The following MEIOB variants were observed in gnomAD, a reference collection of about 807,000 sequenced individuals.
MEIOB encodes meiosis-specific with OB domain-containing protein.
Under a neutral mutation model 53.1 loss-of-function variants are expected in MEIOB, and 50 were observed. The observed-to-expected ratio is 0.94, with a 90% CI of 0.75 to 1.19. MEIOB has a LOEUF of 1.19. MEIOB is among the 50% of genes most tolerant of loss of function. The pLI is 0.00. For synonymous variants in MEIOB, 192 were observed against 182.5 expected (o/e 1.05, Z -0.42); for missense variants, 551 against 550.8 (o/e 1.00, Z 0.00).
intron 9 of MEIOB, among the ~76,000 whole-genome samples, chr16:1,850,079 C>T (rs529333029): frequency 1.1e-3 from 172 of 152,268 alleles, no homozygotes; most frequent in African/African-American, 3.9e-3. Flanking sequence ...AATACTTTGA[C>T]ATTTTTTTCT....
intron 10 of MEIOB, among the ~76,000 whole-genome samples, chr16:1,842,623 C>CAAAAAAAAA (rs202147878): frequency 7.2e-5 from 7 of 97,768 alleles, no homozygotes; most frequent in East Asian, 4.0e-4. Flanking sequence ...AACTCCATCT[C>CAAAAAAAAA]AAAAAGACAG....
intron 5 of MEIOB, 37 bp downstream of exon 5, chr16:1,860,366 C>A (rs1899411780): frequency 1.8e-6 from 2 of 1,121,208 alleles, no homozygotes; most frequent in Admixed American, 2.1e-5. Context: ...TAGTAATGAT[C>A]ATTCTCGCAC....
rs1468645755 is a variant in MEIOB, at chr16:1,834,261, C to T, written c.1411G>A (p.Val471Ile). The T allele has an allele frequency of 1.9e-6, 3 of 1,579,952 alleles. No homozygotes were observed. Among genetic ancestry groups the T allele is most frequent in the Non-Finnish European group, 1.7e-6 (2 of 1,150,634 alleles). The change falls in exon 14 of 14, where the codon GTT (valine) becomes ATT (isoleucine). Residue 471 changes from valine (V) to isoleucine (I), a missense_variant. Coordinates refer to ENST00000325962, the MANE Select transcript of MEIOB (RefSeq NM_001163560.3). ...GTTCAAAATGATAGACCGTTTTAAA[C>T]ATGTTTTTGTCCAGACAAGTTTCTG... The part of the protein sequence containing the change: ...ASRNLSGQKH[V>I]
At chr16:1,846,882 C>G (rs1480249496) in intron 9 of MEIOB, among the ~76,000 whole-genome samples, 1 of 152,122 alleles carries the variant, frequency 6.6e-6, no homozygotes, top group African/African-American at 2.4e-5. Context: ...ATGGGCTGGG[C>G]GTGGTGGTTC....
intron 6 of MEIOB, among the ~76,000 whole-genome samples, chr16:1,854,518 G>A (rs966574018): frequency 6.6e-6 from 1 of 152,182 alleles, no homozygotes; most frequent in Non-Finnish European, 1.5e-5. Context: ...GACTCCTCGA[G>A]GGCAGGGACT....
At chr16:1,862,381 G>C (rs2150822460) in intron 3 of MEIOB, among the ~76,000 whole-genome samples, 1 of 152,240 alleles carries the variant, frequency 6.6e-6, no homozygotes, top group East Asian at 1.9e-4. Context: ...CTGGTGATCT[G>C]TGTATTTGGA....
chr16:1,868,596 C>T (rs919048646), intron 1 of MEIOB, among the ~76,000 whole-genome samples: 6 of 151,156 alleles, frequency 4.0e-5, no homozygotes, highest in African/African-American at 7.3e-5. Flanking sequence ...TGGCTCATGC[C>T]TATTATCCCA....
rs779513355 is a variant in MEIOB at position 1,839,399 on chromosome 16, CAT to C, written c.1072_1073del (p.Met358ValfsTer12). 2.5e-5 allele frequency: 41 copies of C among 1,613,680 alleles called. No homozygotes were observed. Among genetic ancestry groups the C allele is most frequent in the East Asian group, 6.7e-5 (3 of 44,862 alleles). ...AGGAGTTTTTGTTGCAAGTTGTGCA[CAT>C]GTTAGATGCTTCATTTACAATATAA... The part of the protein sequence containing the change: ...CGYIVNEASN[M>X]CTTCNKNSLD... On this transcript the variant is annotated frameshift_variant, in exon 12 of 14. Coordinates refer to ENST00000325962, the MANE Select transcript of MEIOB (RefSeq NM_001163560.3). LOFTEE classifies it high-confidence loss of function.
chr16:1,862,929 T>TAAAATA (rs1205510963), intron 3 of MEIOB, among the ~76,000 whole-genome samples: 1 of 150,824 alleles, frequency 6.6e-6, no homozygotes, highest in African/African-American at 2.4e-5. Flanking sequence ...TAAATAATAA[T>TAAAATA]AAAATAAAAA....
intron 1 of MEIOB, among the ~76,000 whole-genome samples, chr16:1,871,288 C>CA (rs1899737077): frequency 6.8e-6 from 1 of 146,130 alleles, no homozygotes; most frequent in Non-Finnish European, 1.5e-5. Flanking sequence ...GGCGCAATCT[C>CA]GGCTCACTAC....
chr16:1,837,378 G>T (rs1898777942), intron 13 of MEIOB, among the ~76,000 whole-genome samples: 1 of 152,056 alleles, frequency 6.6e-6, no homozygotes, highest in Non-Finnish European at 1.5e-5. Context: ...ACCTTTTGGG[G>T]TTCAGGGGCC....
At chr16:1,855,931 C>CTTTTTTTTTTTTTT (rs34688365) in intron 6 of MEIOB, among the ~76,000 whole-genome samples, 3 of 131,274 alleles carry the variant, frequency 2.3e-5, no homozygotes, top group African/African-American at 8.3e-5. Flanking sequence ...GTGTTTTTTC[C>CTTTTTTTTTTTTTT]TTTTTTTTTT....
chr16:1,846,268 G>A (rs1477915783), intron 9 of MEIOB, among the ~76,000 whole-genome samples: 1 of 152,216 alleles, frequency 6.6e-6, no homozygotes. Flanking sequence ...TCCAGCCAAT[G>A]AGCTTCCTGT....
chr16:1,835,204 G>A (rs1391411904), intron 13 of MEIOB, among the ~76,000 whole-genome samples: 1 of 151,918 alleles, frequency 6.6e-6, no homozygotes, highest in Non-Finnish European at 1.5e-5. Flanking sequence ...GCAGTAAGCT[G>A]TGATCGCACC....
intron 1 of MEIOB, among the ~76,000 whole-genome samples, chr16:1,869,126 CT>C: frequency 6.6e-6 from 1 of 151,910 alleles, no homozygotes; most frequent in South Asian, 2.1e-4. Flanking sequence ...TTTGTTTTAA[CT>C]TTTTTTCTTT....
chr16:1,845,854 C>T (rs537895099), intron 9 of MEIOB, among the ~76,000 whole-genome samples: 31 of 152,190 alleles, frequency 2.0e-4, no homozygotes, highest in African/African-American at 7.0e-4. Context: ...CCCCAGCCTC[C>T]GGCATATGAT....
chr16:1,844,059 T>A (rs190919933), intron 10 of MEIOB, among the ~76,000 whole-genome samples: 33 of 152,212 alleles, frequency 2.2e-4, no homozygotes, highest in Middle Eastern at 6.8e-3. Context: ...CACAAAAAGA[T>A]AGATTAAAAG....
At chr16:1,840,566 C>G (rs112980541) in intron 11 of MEIOB, among the ~76,000 whole-genome samples, 1,652 of 102,932 alleles carry the variant, frequency 0.016, 30 homozygotes, top group African/African-American at 0.051. Context: ...TTTTTTGAGA[C>G]ACAGTCTCGC....
At chr16:1,871,628 G>A (rs1285674261) in intron 1 of MEIOB, among the ~76,000 whole-genome samples, 1 of 145,156 alleles carries the variant, frequency 6.9e-6, no homozygotes, top group Non-Finnish European at 1.5e-5. Context: ...GGGTTCTAGC[G>A]AGTCTCCTGG....
Sources: allele counts gnomAD v4.1 joint callset (sites outside exome capture counted in the v4.1 genomes callset), GRCh38; gene constraint gnomAD v4.1.1; transcripts MANE v1.5; gene names NCBI Gene and HGNC (gene_info 2026-07-23, HGNC 2026-07-21).